The following YLPM1 variants were observed in gnomAD, a reference collection of about 807,000 sequenced individuals.
YLPM1 encodes YLP motif containing 1, also known as YLP motif-containing protein 1.
Under a neutral mutation model 230.0 loss-of-function variants are expected in YLPM1, and 99 were observed. The observed-to-expected ratio is 0.43, with a 90% CI of 0.37 to 0.51. The LOEUF is 0.51. YLPM1 is among the 20% of genes least tolerant of loss of function. The probability of loss-of-function intolerance (pLI) is 0.00; values close to 1 mark genes in which losing one functional copy is unlikely to be tolerated. For missense variants in YLPM1, 2,592 were observed against 2,707.7 expected (o/e 0.96, Z 0.95); for synonymous variants, 984 against 942.5 (o/e 1.04, Z -0.81).
At position 74,798,088 on chromosome 14, in the gene YLPM1, A is replaced by G. The variant is rs2091282134; in HGVS notation, c.2791A>G (p.Met931Val). 3.7e-6 allele frequency: 6 copies of G among 1,614,008 alleles called. No homozygotes were observed. The highest frequency in any genetic ancestry group is 1.3e-5 in the African/African-American group (1 of 75,042). ...TAATTGGGACCAGAATGTTCAAAGT[A>G]TGGAGACTCAAATCGACAAAGCCCA... The part of the protein sequence containing the change: ...PSNWDQNVQS[M>V]ETQIDKAQAV... Residue 931 changes from methionine to valine, a missense_variant, in exon 5 of 21, where the codon ATG (methionine) becomes GTG (valine). Around this residue, in one of 4 missense-constraint regions of YLPM1, gnomAD observed 1,862 missense variants for 1,819.8 expected, o/e 1.02. Coordinates refer to ENST00000325680, the MANE Select transcript of YLPM1 (RefSeq NM_019589.3).
chr14:74,783,664 A>G (rs1246724450), intron 4 of YLPM1, among the ~76,000 whole-genome samples: 1 of 152,192 alleles, frequency 6.6e-6, no homozygotes, highest in Non-Finnish European at 1.5e-5. Context: ...ACCTCATTTT[A>G]ACATTTGAAA....
intron 1 of YLPM1, among the ~76,000 whole-genome samples, chr14:74,769,259 C>CTT (rs34023289): frequency 0.021 from 794 of 38,390 alleles, 217 homozygotes; most frequent in Middle Eastern, 0.075. Flanking sequence ...GTATTTTTAT[C>CTT]TTTTTTTTTT....
At chr14:74,767,184 G>T (rs1240885980) in intron 1 of YLPM1, among the ~76,000 whole-genome samples, 1 of 152,004 alleles carries the variant, frequency 6.6e-6, no homozygotes, top group Non-Finnish European at 1.5e-5. Context: ...GCCCGGCCAA[G>T]ACCCTTTCTT....
intron 1 of YLPM1, among the ~76,000 whole-genome samples, chr14:74,770,816 T>G (rs1442206084): frequency 6.6e-6 from 1 of 152,152 alleles, no homozygotes; most frequent in East Asian, 1.9e-4. Flanking sequence ...TGTGACAGAT[T>G]GGCATTTTTG....
chr14:74,785,179 C>G (rs554920484), intron 4 of YLPM1, among the ~76,000 whole-genome samples: 3 of 152,040 alleles, frequency 2.0e-5, no homozygotes, highest in Non-Finnish European at 4.4e-5. Flanking sequence ...TTTCTTGTTC[C>G]TTTTTCTAAG....
chr14:74,818,291 C>T lies in YLPM1; in HGVS notation c.6007C>T (p.Leu2003=). ...GATGCGTCTAGATATTCGTTCTTTGCTGCAAGATGCTGCTATTGAAGAGGT... is the reference window on the plus strand; with the variant it reads ...GATGCGTCTAGATATTCGTTCTTTGTTGCAAGATGCTGCTATTGAAGAGGT... The part of the protein sequence containing the change: ...HMMRLDIRSL[L]QDAAIEEVEM... The change falls in exon 16 of 21, where the codon CTG becomes TTG. Residue 2003 remains leucine, a synonymous_variant. Coordinates refer to ENST00000325680, the MANE Select transcript of YLPM1 (RefSeq NM_019589.3). The T allele has an allele frequency of 6.2e-7, 1 of 1,602,506 alleles. No individual in the cohort carries two copies.
chr14:74,781,771 A>G lies in YLPM1; in HGVS notation c.1728A>G (p.Pro576=), dbSNP rs1307436216. The G allele has an allele frequency of 6.3e-7, 1 of 1,587,932 alleles. No homozygotes were observed. The highest frequency in any genetic ancestry group is 1.7e-4 in the Middle Eastern group (1 of 5,956). Residue 576 remains proline (P), a synonymous_variant, in exon 4 of 21, where the codon CCA becomes CCG. Transcript: ENST00000325680. ...CTCTACCAACCTCTGTTCCCCCACC[A>G]GGGATGCCTCCTTCTCTCTCTTCTG... ...PPSLPTSVPP[P]GMPPSLSSAG...
chr14:74,835,076 T>A, intron 19 of YLPM1, 189 bp from the exon 20 acceptor site: 1 of 646,318 alleles, frequency 1.5e-6, no homozygotes, highest in Non-Finnish European at 2.5e-6. Flanking sequence ...AGGACTTGGA[T>A]TGTCCAGAGA....
chr14:74,764,817 C>A (rs1417699727), intron 1 of YLPM1, among the ~76,000 whole-genome samples: 1 of 152,146 alleles, frequency 6.6e-6, no homozygotes, highest in Non-Finnish European at 1.5e-5. Flanking sequence ...AAAAATATTA[C>A]TTAGGGGCCA....
chr14:74,811,598 C>T, intron 9 of YLPM1, 22 bp from the exon 10 acceptor site: 1 of 1,560,240 alleles, frequency 6.4e-7, no homozygotes, highest in Non-Finnish European at 8.8e-7. Flanking sequence ...TTTGCTGAAG[C>T]GCTTCCTATT....
At chr14:74,816,333 TTAA>T in intron 12 of YLPM1, 68 bp downstream of exon 12, 1 of 1,503,856 alleles carries the variant, frequency 6.6e-7, no homozygotes, top group Non-Finnish European at 9.1e-7. Flanking sequence ...TGCCTTCTTA[TTAA>T]TAGCAAGCAA....
In YLPM1 at chr14:74,781,971, C is replaced by T; in HGVS notation, c.1928C>T (p.Pro643Leu). 5.0e-6 allele frequency: 8 copies of T among 1,613,594 alleles called. No homozygotes were observed. Among genetic ancestry groups the T allele is most frequent in the Non-Finnish European group, 6.8e-6 (8 of 1,179,684 alleles). Residue 643 changes from proline to leucine, a missense_variant, in exon 4 of 21, where the codon CCT becomes CTT. Transcript: ENST00000325680. ...IPPPGVPQGI[P>L]PQLTAAPVPP... ...CCCCCTGGAGTTCCACAAGGGATAC[C>T]TCCTCAGTTAACAGCAGCCCCAGTT...
chr14:74,782,160 A>G lies in YLPM1; in HGVS notation c.2117A>G (p.Lys706Arg). 6.2e-7 allele frequency: 1 copy of G among 1,612,870 alleles called. No individual in the cohort carries two copies. Among genetic ancestry groups the G allele is most frequent in the Non-Finnish European group, 8.5e-7 (1 of 1,179,758 alleles). The change falls in exon 4 of 21, where the codon AAG (lysine) becomes AGG (arginine). Residue 706 changes from lysine (K) to arginine (R), a missense_variant. Physicochemically the swap from Lys to Arg is conservative, Grantham distance 26. Coordinates refer to ENST00000325680, the MANE Select transcript of YLPM1 (RefSeq NM_019589.3). Reference sequence around the variant, plus strand: ...GTGAATTCAAAAGCTCCTTTGAGCAAGTCTGCTCTGCCATACAGTTCATTC... The same window carrying G: ...GTGAATTCAAAAGCTCCTTTGAGCAGGTCTGCTCTGCCATACAGTTCATTC... ...EQVNSKAPLS[K>R]SALPYSSFSS...
chr14:74,809,994 T>G lies in YLPM1; in HGVS notation c.5024T>G (p.Phe1675Cys). 6.2e-7 allele frequency: 1 copy of G among 1,603,148 alleles called. No homozygotes were observed. Among genetic ancestry groups the G allele is most frequent in the East Asian group, 2.2e-5 (1 of 44,700 alleles). Residue 1675 changes from phenylalanine to cysteine, a missense_variant, in exon 8 of 21, where the codon TTT becomes TGT. Phe to Cys is a radical substitution (Grantham distance 205). Transcript: ENST00000325680. ...GATCCACTACCTGAAAGATCAACTT[T>G]TGAGACAGGTAGGATTCCCAGAGAG... ...RPDPLPERST[F>C]ETEHAGQRDR...
At chr14:74,783,339 G>A (rs1327744412) in intron 4 of YLPM1, among the ~76,000 whole-genome samples, 2 of 152,106 alleles carry the variant, frequency 1.3e-5, no homozygotes, top group African/African-American at 4.8e-5. Flanking sequence ...TGCCTGCCGT[G>A]GCCTCCCAAA....
At position 74,781,595 on chromosome 14, in the gene YLPM1, C is replaced by A. The variant is rs762404831; in HGVS notation, c.1552C>A (p.Pro518Thr). ...GTATATGGGGAACATGTCAATGCCA[C>A]CTCCTTTTGTTCCATATTCTCAGAT... ...NQYMGNMSMP[P>T]PFVPYSQMPP... Residue 518 changes from proline (P) to threonine (T), a missense_variant, in exon 4 of 21, where the codon CCT (proline) becomes ACT (threonine). Physicochemically the swap from Pro to Thr is conservative, Grantham distance 38 (BLOSUM62 -1). Coordinates refer to ENST00000325680, the MANE Select transcript of YLPM1 (RefSeq NM_019589.3). 6.2e-7 allele frequency: 1 copy of A among 1,613,822 alleles called. No individual in the cohort carries two copies. The highest frequency in any genetic ancestry group is 8.5e-7 in the Non-Finnish European group (1 of 1,179,890).
chr14:74,778,373 A>G, intron 1 of YLPM1, 74 bp from the exon 2 acceptor site: 1 of 1,285,444 alleles, frequency 7.8e-7, no homozygotes, highest in Non-Finnish European at 1.1e-6. Context: ...ACATAAAGAT[A>G]GGTCCTTGTC....
At chr14:74,822,339 G>A (rs2091528238) in intron 17 of YLPM1, among the ~76,000 whole-genome samples, 1 of 152,090 alleles carries the variant, frequency 6.6e-6, no homozygotes, top group Non-Finnish European at 1.5e-5. Flanking sequence ...TTCTTTTGTG[G>A]AGATTTCAGT....
intron 1 of YLPM1, among the ~76,000 whole-genome samples, chr14:74,768,899 G>GTT (rs949275126): frequency 2.0e-5 from 3 of 147,432 alleles, no homozygotes; most frequent in African/African-American, 7.5e-5. Flanking sequence ...TTTGTTTTTT[G>GTT]TTTTTTTTTT....
Sources: gnomAD v4.1 joint callset for allele counts (sites outside exome capture counted in the v4.1 genomes callset) on GRCh38, gnomAD v4.1.1 for gene constraint, gnomAD v4.1.1 regional missense constraint, MANE v1.5 for transcripts, NCBI Gene and HGNC (gene_info 2026-07-23, HGNC 2026-07-21) for gene names.